NRXN1: variants seen among roughly 807,000 people sequenced by gnomAD.
NRXN1 encodes neurexin-1.
Under a neutral mutation model 150.9 loss-of-function variants are expected in NRXN1, and 39 were observed. The ratio of observed to expected loss-of-function variants is 0.26; its 90% CI spans 0.20 to 0.34. The LOEUF is 0.34. Ranked by LOEUF, NRXN1 falls within the 10% of genes least tolerant of loss-of-function variation. The pLI, the probability that NRXN1 is intolerant of heterozygous loss-of-function variation, is 1.00. For missense variants in NRXN1, 1,815 were observed against 1,949.9 expected, an observed-to-expected ratio of 0.93 and a Z score of 1.30; for synonymous variants, 924 against 757.0, an observed-to-expected ratio of 1.22 and a Z score of -3.62.
chr2:50,922,726 G>T (rs765998293), intron 3 of NRXN1, 39 bp from the exon 4 acceptor site: 1 of 1,605,258 alleles, frequency 6.2e-7, no homozygotes, highest in South Asian at 1.1e-5. Flanking sequence ...AATAAACAAG[G>T]GAGCATGGGA....
chr2:50,621,101 A>G (rs1461139607), intron 7 of NRXN1, 125 bp downstream of exon 7: 1 of 740,056 alleles, frequency 1.4e-6, no homozygotes, highest in African/African-American at 1.8e-5. Flanking sequence ...TAAGCAGAAG[A>G]GTACCAACCG....
At chr2:51,022,552 T>A (rs1669786905) in intron 2 of NRXN1, among the ~76,000 whole-genome samples, 1 of 152,164 alleles carries the variant, frequency 6.6e-6, no homozygotes. Context: ...CCTTTCACTG[T>A]CATACTTTAA....
At chr2:50,399,353 G>C (rs779063080) in intron 17 of NRXN1, among the ~76,000 whole-genome samples, 1 of 151,794 alleles carries the variant, frequency 6.6e-6, no homozygotes, top group African/African-American at 2.4e-5. Flanking sequence ...AATGTTTCTG[G>C]AAATGTTTTC....
chr2:51,025,493 ACCCT>A (rs1670297680), intron 2 of NRXN1, among the ~76,000 whole-genome samples: 1 of 151,988 alleles, frequency 6.6e-6, no homozygotes, highest in East Asian at 1.9e-4. Context: ...CATTTAAAAC[ACCCT>A]CCCACACAGT....
chr2:50,125,857 C>T (rs1363054695), intron 18 of NRXN1, among the ~76,000 whole-genome samples: 4 of 152,022 alleles, frequency 2.6e-5, no homozygotes, highest in African/African-American at 9.7e-5. Flanking sequence ...TGCCTTTTTG[C>T]AGGAGTTGAA....
chr2:50,064,788 A>G (rs1200142676), intron 19 of NRXN1, among the ~76,000 whole-genome samples: 1 of 152,212 alleles, frequency 6.6e-6, no homozygotes, highest in Non-Finnish European at 1.5e-5. Context: ...ACATTCATTT[A>G]ACCAAGGCAA....
chr2:50,012,025 C>T (rs565302601), intron 21 of NRXN1, among the ~76,000 whole-genome samples: 79 of 152,086 alleles, frequency 5.2e-4, no homozygotes, highest in African/African-American at 1.8e-3. Flanking sequence ...AACATAATAG[C>T]CCAGGGTCAA....
chr2:49,971,841 T>G (rs1678012130), intron 21 of NRXN1, among the ~76,000 whole-genome samples: 1 of 152,162 alleles, frequency 6.6e-6, no homozygotes, highest in Non-Finnish European at 1.5e-5. Context: ...TACCTTAAGG[T>G]ACCAAAAGTA....
intron 21 of NRXN1, among the ~76,000 whole-genome samples, chr2:49,964,166 A>G (rs551252138): frequency 6.6e-5 from 10 of 152,372 alleles, no homozygotes; most frequent in African/African-American, 2.4e-4. Flanking sequence ...TCTACTGTTC[A>G]TATCAATTTA....
Position 50,292,789 on chromosome 2 carries a change from G to T in NRXN1, c.3365-55819C>A, listed in dbSNP as rs576656392. On this transcript the variant is annotated intron_variant, in intron 17 of 22. Coordinates refer to ENST00000401669, the MANE Select transcript of NRXN1 (RefSeq NM_001330078.2). The stretch of plus-strand genomic sequence containing the variant: ...TGCACCTTTGATGCTGCCTTTAGAG[G>T]CTCTTTTTAAATTATCTTTTAAACA... Among the ~76,000 whole-genome samples, 11 of 152,228 alleles carry T rather than the reference G, an allele frequency of 7.2e-5. No homozygotes were observed. In the East Asian group the frequency reaches 1.7e-3, roughly 24 times the overall value.
chr2:50,697,202 T>C (rs762853492), intron 5 of NRXN1, among the ~76,000 whole-genome samples: 4 of 152,232 alleles, frequency 2.6e-5, no homozygotes, highest in South Asian at 2.1e-4. Flanking sequence ...CTGAGTGTTA[T>C]ATTTTTAGCT....
At chr2:49,928,591 A>G (rs536256148) in intron 22 of NRXN1, among the ~76,000 whole-genome samples, 123 of 152,220 alleles carry the variant, frequency 8.1e-4, no homozygotes, top group South Asian at 1.9e-3. Flanking sequence ...GTGTTTGTGA[A>G]TTGAGATTAG....
intron 8 of NRXN1, among the ~76,000 whole-genome samples, chr2:50,582,652 A>T (rs988790280): frequency 7.0e-6 from 1 of 143,088 alleles, no homozygotes; most frequent in Non-Finnish European, 1.5e-5. Context: ...TATTAACCAC[A>T]CTTTGGGATC....
At chr2:50,232,343 GATGAAAA>G (rs1229618372) in intron 18 of NRXN1, among the ~76,000 whole-genome samples, 6 of 150,718 alleles carry the variant, frequency 4.0e-5, no homozygotes, top group Non-Finnish European at 7.4e-5. Context: ...TGAAGTAAAT[GATGAAAA>G]GTCACATTAC....
At chr2:50,786,475 C>T (rs1431209061) in intron 5 of NRXN1, among the ~76,000 whole-genome samples, 1 of 152,070 alleles carries the variant, frequency 6.6e-6, no homozygotes, top group African/African-American at 2.4e-5. Context: ...CTTGGGTTTT[C>T]GGACGGAATT....
intron 12 of NRXN1, chr2:50,507,085 A>C (rs1478625789): frequency 6.5e-6 from 1 of 154,220 alleles, no homozygotes. Context: ...GTAGCCCATT[A>C]GCTAATCGTT....
At chr2:49,964,538 C>G (rs1428402579) in intron 21 of NRXN1, among the ~76,000 whole-genome samples, 1 of 151,614 alleles carries the variant, frequency 6.6e-6, no homozygotes, top group African/African-American at 2.4e-5. Flanking sequence ...CGAGATCACG[C>G]CATTGCACTT....
chr2:50,982,182 T>C (rs542069093), intron 2 of NRXN1, among the ~76,000 whole-genome samples: 223 of 152,278 alleles, frequency 1.5e-3, no homozygotes, highest in Non-Finnish European at 2.3e-3. Flanking sequence ...AATTTCCACC[T>C]TGACAGTTCG....
chr2:50,284,364 C>A (rs2071841472), intron 17 of NRXN1, among the ~76,000 whole-genome samples: 1 of 152,164 alleles, frequency 6.6e-6, no homozygotes, highest in African/African-American at 2.4e-5. Flanking sequence ...AAATGATGTT[C>A]CCCTATGGAG....
Sources: allele counts gnomAD v4.1 joint callset (sites outside exome capture counted in the v4.1 genomes callset), GRCh38; gene constraint gnomAD v4.1.1; transcripts MANE v1.5; gene names NCBI Gene and HGNC (gene_info 2026-07-23, HGNC 2026-07-21).